Variants in ALOX12B observed in about 807,000 individuals in gnomAD.
The protein encoded by ALOX12B is arachidonate 12-lipoxygenase, 12R type.
Under a neutral mutation model 78.9 loss-of-function variants are expected in ALOX12B, and 47 were observed. The ratio of observed to expected loss-of-function variants is 0.60; its 90% confidence interval spans 0.47 to 0.76. The LOEUF is 0.76. Among genes scored for constraint, ALOX12B ranks in the 30% least tolerant of loss-of-function variants. ALOX12B has a pLI of 0.00. For synonymous variants in ALOX12B, 370 were observed against 374.5 expected, an observed-to-expected ratio of 0.99 and a Z score of 0.14; for missense variants, 805 against 922.6, an observed-to-expected ratio of 0.87 and a Z score of 1.65.
chr17:8,080,602 G>C lies in ALOX12B; in HGVS notation c.650+56C>G. 3 of 1,613,082 alleles carry C rather than the reference G, an allele frequency of 1.9e-6. No homozygotes were observed. The highest frequency in any genetic ancestry group is 2.5e-6 in the Non-Finnish European group (3 of 1,179,606). Reference sequence around the variant, plus strand: ...TGTCTTGGAGGCCGCCAAGGTTGGGGGAGAGGGAAAGTTCTTGCAGGAGCC... The same window carrying C: ...TGTCTTGGAGGCCGCCAAGGTTGGGCGAGAGGGAAAGTTCTTGCAGGAGCC... On this transcript the variant is annotated intron_variant, in intron 5 of 14. Transcript: ENST00000647874. This position sits in a 1 kb window ranked among gnomAD's most constrained non-coding sequence, Gnocchi z 4.8.
Position 8,086,369 on chromosome 17 carries a change from A to T in ALOX12B, c.148-149T>A, listed in dbSNP as rs1978298503. Reference sequence around the variant, plus strand: ...GGAGGGACAGGATATTGACCTGATCATTGAGCTTCCTTCTGACTTCTCCAG... The same window carrying T: ...GGAGGGACAGGATATTGACCTGATCTTTGAGCTTCCTTCTGACTTCTCCAG... On this transcript the variant is annotated intron_variant, in intron 1 of 14. Coordinates refer to ENST00000647874, the MANE Select transcript of ALOX12B (RefSeq NM_001139.3). 3.6e-6 allele frequency: 3 copies of T among 840,776 alleles called. No homozygotes were observed. The South Asian group carries it at 4.5e-5, about 12-fold the overall frequency. The allele number at this position is 840,776 out of a possible 1,614,324, so 52.1% of individuals were successfully genotyped here. A position where few individuals can be genotyped will look rare whatever the true frequency, so the allele number is the denominator to read the frequency against.
intron 8 of ALOX12B, among the ~76,000 whole-genome samples, chr17:8,078,589 G>A (rs1356114636): frequency 6.6e-6 from 1 of 151,922 alleles, no homozygotes; most frequent in Non-Finnish European, 1.5e-5. Flanking sequence ...AAAGCGTAGC[G>A]CTCCTTGTGT....
chr17:8,073,023 C>A, intron 14 of ALOX12B, 73 bp from the exon 15 acceptor site: 1 of 1,596,566 alleles, frequency 6.3e-7, no homozygotes, highest in Non-Finnish European at 8.5e-7. Context: ...GGCCCTGGCC[C>A]CTCCACCCTT....
chr17:8,076,414 C>T, intron 10 of ALOX12B, 70 bp from the exon 11 acceptor site: 3 of 1,529,414 alleles, frequency 2.0e-6, no homozygotes, highest in Non-Finnish European at 2.7e-6. Context: ...CTCTAGGATC[C>T]CAGTAAGTGC....
intron 8 of ALOX12B, among the ~76,000 whole-genome samples, chr17:8,077,481 T>C (rs150903538): frequency 6.6e-6 from 1 of 152,330 alleles, no homozygotes; most frequent in Non-Finnish European, 1.5e-5. Flanking sequence ...CAAGACTTCC[T>C]TACTTCAGCC....
rs1978297030 is a variant in ALOX12B at position 8,086,106 on chromosome 17, G to C, written c.262C>G (p.Gln88Glu). The change falls in exon 2 of 15, where the codon CAG becomes GAG. Residue 88 changes from glutamine to glutamate, a missense_variant. Gln to Glu is a conservative substitution (Grantham distance 29, BLOSUM62 2). Coordinates refer to ENST00000647874, the MANE Select transcript of ALOX12B (RefSeq NM_001139.3). Reference sequence around the variant, plus strand: ...ATACGGCCGTTGGGGGCACAGATCTGCACATAGTTGCAGTACCAAGGGTCC... The same window carrying C: ...ATACGGCCGTTGGGGGCACAGATCTCCACATAGTTGCAGTACCAAGGGTCC... ...PKDPWYCNYV[Q>E]ICAPNGRIYH... is the part of the protein sequence containing the mutation. The C allele has an allele frequency of 6.2e-7, 1 of 1,614,140 alleles. No homozygotes were observed. Among genetic ancestry groups the C allele is most frequent in the East Asian group, 2.2e-5 (1 of 44,880 alleles).
Position 8,087,290 on chromosome 17 carries a change from T to C in ALOX12B, c.147+6A>G. On this transcript the variant is annotated splice_donor_region_variant and intron_variant, in intron 1 of 14. Coordinates refer to ENST00000647874, the MANE Select transcript of ALOX12B (RefSeq NM_001139.3). Reference sequence around the variant, plus strand: ...CACACACACACACACACACACACACTCTTACCGCCCCAGTTGCAAAGTCTC... The same window carrying C: ...CACACACACACACACACACACACACCCTTACCGCCCCAGTTGCAAAGTCTC... 6.4e-7 allele frequency: 1 copy of C among 1,560,582 alleles called. No individual in the cohort carries two copies. The highest frequency in any genetic ancestry group is 1.5e-5 in the African/African-American group (1 of 68,060).
At position 8,080,343 on chromosome 17, in the gene ALOX12B, G is replaced by A. The variant is rs368720320; in HGVS notation, c.651-5C>T. 5.6e-6 allele frequency: 9 copies of A among 1,614,134 alleles called. No individual in the cohort carries two copies. The highest frequency in any genetic ancestry group is 7.6e-6 in the Non-Finnish European group (9 of 1,179,978). ...CGGACTTTGAAAGCCAGTGCCCTAG[G>A]AGATGGGATTCCAGGAAGAGGCCTT... On this transcript the variant is annotated splice_polypyrimidine_tract_variant and splice_region_variant and intron_variant, in intron 5 of 14. Coordinates refer to ENST00000647874, the MANE Select transcript of ALOX12B (RefSeq NM_001139.3). This position sits in a 1 kb window ranked among gnomAD's most constrained non-coding sequence, Gnocchi z 4.8.
chr17:8,076,483 C>A (rs1977085288), intron 10 of ALOX12B, 139 bp from the exon 11 acceptor site: 2 of 1,282,876 alleles, frequency 1.6e-6, no homozygotes, highest in South Asian at 1.4e-5. Context: ...TCTGGGCCAG[C>A]ACACCAGCCC....
chr17:8,080,579 T>A lies in ALOX12B; in HGVS notation c.650+79A>T. On this transcript the variant is annotated intron_variant, in intron 5 of 14. Coordinates refer to ENST00000647874, the MANE Select transcript of ALOX12B (RefSeq NM_001139.3). The surrounding 1 kb of genome is among the most constrained non-coding windows in gnomAD (Gnocchi z 4.8). Reference sequence around the variant, plus strand: ...CTGGCCATTCCAACCTCTGGGGCTGTCTTGGAGGCCGCCAAGGTTGGGGGA... The same window carrying A: ...CTGGCCATTCCAACCTCTGGGGCTGACTTGGAGGCCGCCAAGGTTGGGGGA... 1.2e-6 allele frequency: 2 copies of A among 1,606,246 alleles called. No homozygotes were observed. Among genetic ancestry groups the A allele is most frequent in the Non-Finnish European group, 1.7e-6 (2 of 1,174,958 alleles).
chr17:8,087,227 GACACACACAGACACACAC>G (rs1978302516), intron 1 of ALOX12B, 51 bp downstream of exon 1: 3 of 1,431,022 alleles, frequency 2.1e-6, no homozygotes, highest in South Asian at 2.4e-5. Flanking sequence ...GACACACACA[GACACACACAGACACACAC>G]ACACACACAC....
chr17:8,085,536 G>A (rs966226074), intron 2 of ALOX12B, among the ~76,000 whole-genome samples: 1 of 152,212 alleles, frequency 6.6e-6, no homozygotes, highest in Admixed American at 6.5e-5. Flanking sequence ...GGGATAGCAA[G>A]GTGCTGGTTG....
In ALOX12B at chr17:8,076,342, G is replaced by A. The variant is rs1205766655; in HGVS notation, c.1365C>T (p.Gly455=). The A allele has an allele frequency of 1.3e-6, 2 of 1,599,250 alleles. No homozygotes were observed. Among genetic ancestry groups the A allele is most frequent in the Non-Finnish European group, 1.7e-6 (2 of 1,172,554 alleles). ...CAAAGCCTTCCACGCCCAGGGACAT[G>A]CCCTGTGAGGAAGGAGGCAGATCCT... ...LLNEGGLSAK[G]MSLGVEGFAG... Residue 455 remains glycine (G), a splice_region_variant and synonymous_variant, in exon 11 of 15, where the codon GGC becomes GGT. Transcript: ENST00000647874.
In ALOX12B at chr17:8,086,144, G is replaced by A. The variant is rs1220180667; in HGVS notation, c.224C>T (p.Ala75Val). Residue 75 changes from alanine (A) to valine (V), a missense_variant, in exon 2 of 15, where the codon GCC (alanine) becomes GTC (valine). By Grantham distance (64) the Ala-to-Val change is moderately conservative. Coordinates refer to ENST00000647874, the MANE Select transcript of ALOX12B (RefSeq NM_001139.3). ...IIIRLHKERYAFFPKDPWYCN... is the reference protein window; with the variant it reads ...IIIRLHKERYVFFPKDPWYCN... The stretch of plus-strand genomic sequence containing the variant: ...GTACCAAGGGTCCTTGGGGAAGAAG[G>A]CGTACCGCTCTTTGTGCAGGCGGAT... 2.5e-6 allele frequency: 4 copies of A among 1,614,028 alleles called. No individual in the cohort carries two copies. Among genetic ancestry groups the A allele is most frequent in the Non-Finnish European group, 3.4e-6 (4 of 1,180,012 alleles).
Position 8,076,233 on chromosome 17 carries a change from C to T in ALOX12B, c.1474G>A (p.Asp492Asn), listed in dbSNP as rs1273843573. ...PNDFVERGVQ[D>N]LPGYYYRDDS... ...TCGCGGTAGTAATATCCAGGCAGGT[C>T]CTGGACCCCACGCTCCACAAAGTCA... is the stretch of plus-strand genomic sequence containing the variant. Residue 492 changes from aspartate (D) to asparagine (N), a missense_variant, in exon 11 of 15, where the codon GAC becomes AAC. Asp to Asn is a conservative substitution (Grantham distance 23, BLOSUM62 1). Coordinates refer to ENST00000647874, the MANE Select transcript of ALOX12B (RefSeq NM_001139.3). 6.2e-7 allele frequency: 1 copy of T among 1,614,156 alleles called. No individual in the cohort carries two copies. The highest frequency in any genetic ancestry group is 8.5e-7 in the Non-Finnish European group (1 of 1,180,022).
Position 8,087,569 on chromosome 17 carries a change from AGTGGTGAGGTGGCGAGGT to A in ALOX12B, c.-145_-128del. 1 of 1,501,330 alleles carries A rather than the reference AGTGGTGAGGTGGCGAGGT, an allele frequency of 6.7e-7. No individual in the cohort carries two copies. Among genetic ancestry groups the A allele is most frequent in the Non-Finnish European group, 9.1e-7 (1 of 1,097,900 alleles). 93.0% of individuals were successfully genotyped at this position (1,501,330 alleles called of 1,614,324 possible). On this transcript the variant is annotated 5_prime_UTR_variant, in exon 1 of 15. Transcript: ENST00000647874. Reference sequence around the variant, plus strand: ...TGGACAGGGCTGGCCTCCGAGGTGCAGTGGTGAGGTGGCGAGGTGGGGTGACTAGGCCTGCCAGCCAAA... The same window carrying A: ...TGGACAGGGCTGGCCTCCGAGGTGCAGGGGTGACTAGGCCTGCCAGCCAAA...
rs1310061436 is a variant in ALOX12B, at chr17:8,075,584, C to T, written c.1654+11G>A. Reference sequence around the variant, plus strand: ...AGCTCCCCCTGATTGCCCAGGTGTCCAGGCCCATACCTGAGCTCTCCCGCC... The same window carrying T: ...AGCTCCCCCTGATTGCCCAGGTGTCTAGGCCCATACCTGAGCTCTCCCGCC... On this transcript the variant is annotated intron_variant, in intron 12 of 14. Transcript: ENST00000647874. 2 of 1,613,858 alleles carry T rather than the reference C, an allele frequency of 1.2e-6. No individual in the cohort carries two copies. Among genetic ancestry groups the T allele is most frequent in the Non-Finnish European group, 1.7e-6 (2 of 1,180,020 alleles).
intron 14 of ALOX12B, 36 bp from the exon 15 acceptor site, chr17:8,072,986 C>A: frequency 2.5e-6 from 4 of 1,596,716 alleles, no homozygotes; most frequent in Non-Finnish European, 3.4e-6. Flanking sequence ...GGACCAGGGC[C>A]GGCCAGCACC....
chr17:8,082,144 G>A (rs1977229998), intron 2 of ALOX12B, among the ~76,000 whole-genome samples: 1 of 152,104 alleles, frequency 6.6e-6, no homozygotes, highest in South Asian at 2.1e-4. Context: ...ATCCATTAGG[G>A]CACTTAGGGT....
Sources: allele counts gnomAD v4.1 joint callset (sites outside exome capture counted in the v4.1 genomes callset), GRCh38; gene constraint gnomAD v4.1.1; non-coding constraint Gnocchi (gnomAD v3.1); transcripts MANE v1.5; gene names NCBI Gene and HGNC (gene_info 2026-07-23, HGNC 2026-07-21).